PPP1R9A: variants seen among roughly 807,000 people sequenced by gnomAD.
The protein encoded by PPP1R9A is neurabin-1.
Under a neutral mutation model 141.9 loss-of-function variants are expected in PPP1R9A, and 59 were observed. That is an observed-to-expected ratio of 0.42 (90% CI 0.34 to 0.52). The LOEUF (loss-of-function observed/expected upper bound fraction) is 0.52. PPP1R9A is among the 20% of genes least tolerant of loss of function. The pLI, the probability that PPP1R9A is intolerant of heterozygous loss-of-function variation, is 0.10. For missense variants in PPP1R9A, 1,444 were observed against 1,611.9 expected (o/e 0.90, Z 1.78); for synonymous variants, 500 against 569.7 (o/e 0.88, Z 1.74).
At chr7:94,958,460 A>G (rs895780636) in intron 2 of PPP1R9A, among the ~76,000 whole-genome samples, 4 of 152,106 alleles carry the variant, frequency 2.6e-5, no homozygotes, top group African/African-American at 9.7e-5. Context: ...AGCACAAGGC[A>G]GGTACAGAAA....
At chr7:95,278,512 A>T (rs887935568) in intron 16 of PPP1R9A, among the ~76,000 whole-genome samples, 3 of 152,004 alleles carry the variant, frequency 2.0e-5, no homozygotes, top group African/African-American at 7.2e-5. Context: ...GATAGTGTTG[A>T]TCTGTAGGAT....
intron 2 of PPP1R9A, among the ~76,000 whole-genome samples, chr7:95,031,121 C>G (rs1035914627): frequency 1.3e-5 from 2 of 152,112 alleles, no homozygotes; most frequent in African/African-American, 4.8e-5. Context: ...ATGTGTCTAC[C>G]CAAAACTGGA....
intron 14 of PPP1R9A, among the ~76,000 whole-genome samples, chr7:95,273,385 C>G (rs983624684): frequency 6.6e-6 from 1 of 152,198 alleles, no homozygotes; most frequent in Admixed American, 6.5e-5. Flanking sequence ...CAAAGGAGAG[C>G]CAGAGAAGAA....
intron 2 of PPP1R9A, among the ~76,000 whole-genome samples, chr7:94,976,327 A>G (rs1799437410): frequency 6.7e-6 from 1 of 148,726 alleles, no homozygotes; most frequent in African/African-American, 2.5e-5. Flanking sequence ...TATCTGTTAT[A>G]TTTAACATGT....
At chr7:95,178,988 G>A (rs188828259) in intron 5 of PPP1R9A, among the ~76,000 whole-genome samples, 62 of 151,908 alleles carry the variant, frequency 4.1e-4, no homozygotes, top group African/African-American at 1.4e-3. Context: ...CACAATTCCA[G>A]ATAGAGAAAG....
At chr7:94,921,155 C>T (rs1324316467) in intron 2 of PPP1R9A, among the ~76,000 whole-genome samples, 2 of 152,028 alleles carry the variant, frequency 1.3e-5, no homozygotes, top group Non-Finnish European at 2.9e-5. Flanking sequence ...TTTTTAAGAT[C>T]TGTTTTTGAG....
At chr7:95,084,980 C>T (rs1301791541) in intron 2 of PPP1R9A, among the ~76,000 whole-genome samples, 1 of 151,932 alleles carries the variant, frequency 6.6e-6, no homozygotes, top group Non-Finnish European at 1.5e-5. Flanking sequence ...GTATCTTTAC[C>T]GTTAGTGTCT....
chr7:95,144,761 G>C (rs1245137144), intron 4 of PPP1R9A, among the ~76,000 whole-genome samples: 1 of 152,106 alleles, frequency 6.6e-6, no homozygotes, highest in East Asian at 1.9e-4. Flanking sequence ...GAAGTAAAAG[G>C]CATCCAGACG....
chr7:95,158,772 TAACAAATGGG>T (rs1411389367), intron 4 of PPP1R9A, among the ~76,000 whole-genome samples: 1 of 152,196 alleles, frequency 6.6e-6, no homozygotes, highest in Non-Finnish European at 1.5e-5. Context: ...AACAACAGTG[TAACAAATGGG>T]TAAAAGAAAT....
chr7:95,132,629 G>A (rs571128503), intron 4 of PPP1R9A, among the ~76,000 whole-genome samples: 8 of 152,136 alleles, frequency 5.3e-5, no homozygotes, highest in South Asian at 4.2e-4. Context: ...GTGCCGCTTC[G>A]CCAGCTGGAA....
At chr7:95,051,826 ATTTT>A (rs202124272) in intron 2 of PPP1R9A, among the ~76,000 whole-genome samples, 4 of 147,620 alleles carry the variant, frequency 2.7e-5, no homozygotes, top group African/African-American at 1.0e-4. Context: ...ATGCATTAAA[ATTTT>A]TTTTTTATTT....
intron 2 of PPP1R9A, among the ~76,000 whole-genome samples, chr7:94,993,681 A>G (rs539202523): frequency 3.9e-5 from 6 of 152,130 alleles, no homozygotes; most frequent in East Asian, 1.9e-4. Context: ...TAAAATTTCA[A>G]TTTTCGGTGC....
intron 5 of PPP1R9A, among the ~76,000 whole-genome samples, chr7:95,164,747 T>C (rs1207251885): frequency 3.6e-4 from 53 of 145,284 alleles, no homozygotes; most frequent in Middle Eastern, 3.5e-3. Context: ...TTTTCTTTTT[T>C]TTTTTTTTTT....
chr7:94,950,456 CTCT>C (rs1796349042), intron 2 of PPP1R9A, among the ~76,000 whole-genome samples: 2 of 152,122 alleles, frequency 1.3e-5, no homozygotes, highest in South Asian at 4.1e-4. Flanking sequence ...CATAAGAGAG[CTCT>C]TCTTAGCCCT....
At chr7:95,189,041 G>A (rs997850825) in intron 5 of PPP1R9A, among the ~76,000 whole-genome samples, 1 of 152,014 alleles carries the variant, frequency 6.6e-6, no homozygotes, top group Non-Finnish European at 1.5e-5. Flanking sequence ...TCTCCATTTT[G>A]AAGCTTAGTT....
At chr7:95,091,511 T>C (rs1319715390) in intron 2 of PPP1R9A, among the ~76,000 whole-genome samples, 3 of 151,560 alleles carry the variant, frequency 2.0e-5, no homozygotes, top group African/African-American at 7.3e-5. Context: ...GCCCAGCTAA[T>C]TTTTGTATTT....
intron 5 of PPP1R9A, among the ~76,000 whole-genome samples, chr7:95,176,928 G>T (rs552378925): frequency 6.6e-6 from 1 of 152,112 alleles, no homozygotes; most frequent in Non-Finnish European, 1.5e-5. Flanking sequence ...AAATCTAAAC[G>T]TTTGGACAAC....
chr7:95,219,621 A>G (rs2152937890), intron 7 of PPP1R9A, among the ~76,000 whole-genome samples: 1 of 152,192 alleles, frequency 6.6e-6, no homozygotes, highest in South Asian at 2.1e-4. Context: ...AAATATTCTG[A>G]TAACAAAAGA....
intron 5 of PPP1R9A, among the ~76,000 whole-genome samples, chr7:95,180,932 A>C (rs1173002250): frequency 6.6e-6 from 1 of 151,954 alleles, no homozygotes; most frequent in Non-Finnish European, 1.5e-5. Flanking sequence ...GTGGGAATGT[A>C]AACTAGTACA....
Sources: allele counts gnomAD v4.1 joint callset (sites outside exome capture counted in the v4.1 genomes callset), GRCh38; gene constraint gnomAD v4.1.1; transcripts MANE v1.5; gene names NCBI Gene and HGNC (gene_info 2026-07-23, HGNC 2026-07-21).